The following PNPLA8 variants were observed in gnomAD, a reference collection of about 807,000 sequenced individuals.
PNPLA8 encodes calcium-independent phospholipase A2-gamma.
In PNPLA8, 39 loss-of-function variants were observed where a neutral mutation model predicts 76.9. The observed-to-expected ratio is 0.51, with a 90% CI of 0.39 to 0.66. PNPLA8 has a LOEUF of 0.66. Among genes scored for constraint, PNPLA8 ranks in the 30% least tolerant of loss-of-function variants. The pLI, the probability that PNPLA8 is intolerant of heterozygous loss-of-function variation, is 0.00. For missense variants in PNPLA8, 887 were observed against 918.0 expected (o/e 0.97, Z 0.44); for synonymous variants, 301 against 307.9 (o/e 0.98, Z 0.24).
intron 4 of PNPLA8, among the ~76,000 whole-genome samples, 180 bp downstream of exon 4, chr7:108,513,964 G>A (rs1454708092): frequency 6.6e-6 from 1 of 152,062 alleles, no homozygotes; most frequent in Non-Finnish European, 1.5e-5. Flanking sequence ...AAAATAAAAT[G>A]AATTGATTAG....
rs774873730 is a variant in PNPLA8, at chr7:108,497,473, T to C, written c.1453+10A>G. 6.5e-7 allele frequency: 1 copy of C among 1,530,740 alleles called. No individual in the cohort carries two copies. The highest frequency in any genetic ancestry group is 1.1e-5 in the South Asian group (1 of 87,374). 94.8% of individuals were successfully genotyped at this position (1,530,740 alleles called of 1,614,324 possible). A position where few individuals can be genotyped will look rare whatever the true frequency, so the allele number is the denominator to read the frequency against. The stretch of plus-strand genomic sequence containing the variant: ...GCCAGAATGCACCACTTCCATATAA[T>C]AATAATTACCTGTGCTTACACCACA... On this transcript the variant is annotated intron_variant, in intron 6 of 10. Coordinates refer to ENST00000257694, the MANE Select transcript of PNPLA8 (RefSeq NM_001256007.3).
At chr7:108,482,523 C>A (rs1860469996) in intron 9 of PNPLA8, among the ~76,000 whole-genome samples, 1 of 152,126 alleles carries the variant, frequency 6.6e-6, no homozygotes, top group Non-Finnish European at 1.5e-5. Flanking sequence ...CTCTGCCCTT[C>A]CATATAAATT....
At chr7:108,527,646 G>A (rs1864139646), upstream of PNPLA8, 1 of 152,150 alleles carries the variant, frequency 6.6e-6, no homozygotes. Context: ...AGACTGAGGG[G>A]TCAGTTCATG....
At chr7:108,525,959 G>T in intron 1 of PNPLA8, 70 bp downstream of exon 1, 1 of 696,324 alleles carries the variant, frequency 1.4e-6, no homozygotes, top group Non-Finnish European at 1.8e-6. Flanking sequence ...GACCCGGAGC[G>T]CCGGACAAGG....
chr7:108,497,460 CA>C, intron 6 of PNPLA8, 22 bp downstream of exon 6: 1 of 1,412,816 alleles, frequency 7.1e-7, no homozygotes, highest in South Asian at 1.2e-5. Flanking sequence ...CAGAATGCAC[CA>C]CTTCCATATA....
intron 4 of PNPLA8, chr7:108,510,171 G>C: frequency 1.4e-6 from 1 of 730,406 alleles, no homozygotes; most frequent in Non-Finnish European, 2.1e-6. Context: ...AAAACTTAAA[G>C]TATAATAAAA....
At chr7:108,495,418 A>G (rs1742133811) in intron 7 of PNPLA8, among the ~76,000 whole-genome samples, 1 of 152,182 alleles carries the variant, frequency 6.6e-6, no homozygotes, top group Admixed American at 6.5e-5. Context: ...GCATTATCTG[A>G]ATTTTGTAAA....
intron 9 of PNPLA8, among the ~76,000 whole-genome samples, chr7:108,482,606 C>T (rs953954313): frequency 6.6e-6 from 1 of 152,208 alleles, no homozygotes; most frequent in Non-Finnish European, 1.5e-5. Context: ...TTATGGATCA[C>T]TTCAGGAATA....
intron 3 of PNPLA8, 43 bp from the exon 4 acceptor site, chr7:108,514,336 G>C: frequency 6.4e-7 from 1 of 1,551,122 alleles, no homozygotes; most frequent in Non-Finnish European, 8.8e-7. Flanking sequence ...ATACAAAACT[G>C]CTCTAAAGAA....
chr7:108,509,580 G>C (rs2154516385), intron 4 of PNPLA8, among the ~76,000 whole-genome samples: 1 of 146,194 alleles, frequency 6.8e-6, no homozygotes, highest in Admixed American at 6.8e-5. Flanking sequence ...CTGTTGGTGG[G>C]ACTGTAAACT....
intron 4 of PNPLA8, chr7:108,510,522 T>C: frequency 2.2e-6 from 3 of 1,362,380 alleles, no homozygotes; most frequent in Non-Finnish European, 3.1e-6. Context: ...ATCAGAGGTA[T>C]CAGTGGCGTG....
chr7:108,523,718 T>C (rs1363071472), intron 1 of PNPLA8, among the ~76,000 whole-genome samples: 4 of 152,192 alleles, frequency 2.6e-5, no homozygotes, highest in Non-Finnish European at 5.9e-5. Context: ...AAAACTTTCC[T>C]TTTCAAACCT....
intron 8 of PNPLA8, 142 bp from the exon 9 acceptor site, chr7:108,488,095 A>C: frequency 2.2e-6 from 1 of 447,218 alleles, no homozygotes; most frequent in Non-Finnish European, 4.0e-6. Flanking sequence ...AGAGAATCAG[A>C]TCTTTTTAAA....
At position 108,514,919 on chromosome 7, in the gene PNPLA8, A is replaced by G; in HGVS notation, c.573T>C (p.His191=). The change falls in exon 3 of 11, where the codon CAT becomes CAC. Residue 191 remains histidine, a synonymous_variant. Coordinates refer to ENST00000257694, the MANE Select transcript of PNPLA8 (RefSeq NM_001256007.3). ...ATTTTGTGGTTATAGAACTTGTGTAATGAAAAAGACTGCGTTTACCTATAT... is the reference window on the plus strand; with the variant it reads ...ATTTTGTGGTTATAGAACTTGTGTAGTGAAAAAGACTGCGTTTACCTATAT... ...EEDIGKRSLF[H]YTSSITTKFG... 4 of 1,609,244 alleles carry G rather than the reference A, an allele frequency of 2.5e-6. No homozygotes were observed. Among genetic ancestry groups the G allele is most frequent in the Non-Finnish European group, 3.4e-6 (4 of 1,178,498 alleles).
intron 1 of PNPLA8, among the ~76,000 whole-genome samples, chr7:108,525,404 A>G (rs1170111838): frequency 1.3e-5 from 2 of 152,224 alleles, no homozygotes; most frequent in East Asian, 3.8e-4. Flanking sequence ...AGTTTTTCCT[A>G]TGAGTCACCA....
intron 4 of PNPLA8, among the ~76,000 whole-genome samples, chr7:108,509,666 TC>T: frequency 6.6e-6 from 1 of 151,822 alleles, no homozygotes; most frequent in East Asian, 2.0e-4. Context: ...ACCCAGCCAT[TC>T]CATTACTGGG....
intron 7 of PNPLA8, among the ~76,000 whole-genome samples, chr7:108,494,206 A>C (rs916548609): frequency 2.0e-5 from 3 of 152,166 alleles, no homozygotes; most frequent in Non-Finnish European, 4.4e-5. Context: ...AGACTTATTT[A>C]TTTATTTTTA....
chr7:108,518,807 A>G (rs981663698), intron 2 of PNPLA8, among the ~76,000 whole-genome samples: 1 of 150,700 alleles, frequency 6.6e-6, no homozygotes, highest in Non-Finnish European at 1.5e-5. Context: ...GAAAATCTAC[A>G]TATGCAGTTG....
intron 9 of PNPLA8, among the ~76,000 whole-genome samples, chr7:108,484,615 T>G (rs1860615032): frequency 6.6e-6 from 1 of 152,180 alleles, no homozygotes; most frequent in Non-Finnish European, 1.5e-5. Flanking sequence ...TCCCATTTTC[T>G]ATCCCTAATC....
Sources: gnomAD v4.1 joint callset for allele counts (sites outside exome capture counted in the v4.1 genomes callset) on GRCh38, gnomAD v4.1.1 for gene constraint, MANE v1.5 for transcripts, NCBI Gene and HGNC (gene_info 2026-07-23, HGNC 2026-07-21) for gene names.